The following MAPK10 variants were observed in gnomAD, a reference collection of about 807,000 sequenced individuals.
The protein encoded by MAPK10 is mitogen-activated protein kinase 10, also known as JNK3 alpha protein kinase.
In MAPK10, 25 loss-of-function variants were observed where a neutral mutation model predicts 59.3. The ratio of observed to expected loss-of-function variants is 0.42; its 90% CI spans 0.31 to 0.59. The LOEUF (loss-of-function observed/expected upper bound fraction) is 0.59. MAPK10 is among the 20% of genes least tolerant of loss of function. MAPK10 has a pLI of 0.15. For missense variants in MAPK10, 351 were observed against 568.9 expected (o/e 0.62, Z 3.90); for synonymous variants, 190 against 200.5 (o/e 0.95, Z 0.44).
At chr4:86,126,179 A>C (rs1320888794) in intron 4 of MAPK10, among the ~76,000 whole-genome samples, 1 of 152,034 alleles carries the variant, frequency 6.6e-6, no homozygotes, top group African/African-American at 2.4e-5. Flanking sequence ...TTGCCTCTGG[A>C]AAATATATTT....
intron 9 of MAPK10, among the ~76,000 whole-genome samples, chr4:86,097,112 G>A (rs909387551): frequency 6.6e-6 from 1 of 151,846 alleles, no homozygotes; most frequent in Non-Finnish European, 1.5e-5. Flanking sequence ...AGCTATATAA[G>A]ATTATTAGTA....
intron 1 of MAPK10, among the ~76,000 whole-genome samples, chr4:86,441,634 A>G (rs1749437991): frequency 6.6e-6 from 1 of 152,188 alleles, no homozygotes; most frequent in Non-Finnish European, 1.5e-5. Context: ...AAAGCACTGT[A>G]CTTTTCAAAG....
intron 7 of MAPK10, 89 bp from the exon 8 acceptor site, chr4:86,101,306 T>G: frequency 2.1e-6 from 2 of 938,670 alleles, no homozygotes; most frequent in Non-Finnish European, 3.3e-6. Context: ...CATTTTGCAG[T>G]AGCACTGATG....
chr4:86,429,730 G>A (rs1747779463), intron 1 of MAPK10: 1 of 151,890 alleles, frequency 6.6e-6, no homozygotes, highest in South Asian at 2.1e-4. Flanking sequence ...TCAAGCACAG[G>A]AGTTTCTGGC....
intron 2 of MAPK10, among the ~76,000 whole-genome samples, chr4:86,346,793 A>G (rs1283663125): frequency 6.6e-6 from 1 of 151,620 alleles, no homozygotes; most frequent in African/African-American, 2.4e-5. Flanking sequence ...ACAGCTGTAT[A>G]GCTTAAATTG....
At chr4:86,398,254 A>AAAAGG (rs1477677179) in intron 1 of MAPK10, among the ~76,000 whole-genome samples, 6 of 152,100 alleles carry the variant, frequency 3.9e-5, no homozygotes, top group African/African-American at 1.2e-4. Context: ...AAAAGAAAAG[A>AAAAGG]AAAAAGGCCC....
At position 86,017,211 on chromosome 4, in the gene MAPK10, C is replaced by T. The variant is rs1743664416; in HGVS notation, c.*17G>A. ...TCATCTCCTGAAGAACGCTGGGTTT[C>T]GCAGGCAGGCGGCTAGTCACCTGCA... is the stretch of plus-strand genomic sequence containing the variant. On this transcript the variant is annotated 3_prime_UTR_variant, in exon 14 of 14. Transcript: ENST00000641462. This position sits in a 1 kb window ranked among gnomAD's most constrained non-coding sequence, Gnocchi z 4.4. The T allele has an allele frequency of 1.2e-6, 2 of 1,612,322 alleles. No individual in the cohort carries two copies. The highest frequency in any genetic ancestry group is 1.7e-6 in the Non-Finnish European group (2 of 1,179,348).
At chr4:86,395,655 T>C (rs1742808293) in intron 1 of MAPK10, among the ~76,000 whole-genome samples, 1 of 152,200 alleles carries the variant, frequency 6.6e-6, no homozygotes, top group Non-Finnish European at 1.5e-5. Flanking sequence ...TATTATAGAC[T>C]GGTGGCTTAA....
At chr4:86,219,783 T>C (rs1447039252) in intron 2 of MAPK10, 1 of 152,112 alleles carries the variant, frequency 6.6e-6, no homozygotes, top group Non-Finnish European at 1.5e-5. Context: ...AGGTATAATA[T>C]CAATATTCTT....
rs12642887 is a variant in MAPK10 at position 86,045,662 on chromosome 4, A to C, written c.1111-14231T>G. Among the ~76,000 whole-genome samples, 646 of 152,056 alleles carry C rather than the reference A, an allele frequency of 4.2e-3. 31 individuals carry two copies. In the East Asian group the frequency reaches 0.1, roughly 24 times the overall value. ...TTCACCCTAGGATAGCATGCATGGT[A>C]CATGACAATGCTTGGGAACTCCTTC... On this transcript the variant is annotated intron_variant, in intron 11 of 13. Transcript: ENST00000641462.
At chr4:86,531,977 C>T (rs1041613936) in intron 1 of MAPK10, among the ~76,000 whole-genome samples, 2 of 151,540 alleles carry the variant, frequency 1.3e-5, no homozygotes, top group African/African-American at 4.9e-5. Flanking sequence ...TTGCTTGAGA[C>T]CAGGAGTTCA....
intron 1 of MAPK10, among the ~76,000 whole-genome samples, chr4:86,532,815 A>G (rs545115180): frequency 6.6e-6 from 1 of 152,262 alleles, no homozygotes; most frequent in East Asian, 1.9e-4. Context: ...TCTCCATCCC[A>G]GTCCAGTATC....
chr4:86,101,836 T>C lies in MAPK10; in HGVS notation c.564+58A>G. ...TGCCCCCCGTATAAAGAAAATAATC[T>C]ACAGTTACTCTTCCTCTTAAAGCAT... is the stretch of plus-strand genomic sequence containing the variant. On this transcript the variant is annotated intron_variant, in intron 7 of 13. Coordinates refer to ENST00000641462, the MANE Select transcript of MAPK10 (RefSeq NM_138982.4). The C allele has an allele frequency of 4.4e-6, 7 of 1,574,300 alleles. No individual in the cohort carries two copies. In the South Asian group the frequency reaches 6.7e-5, roughly 15 times the overall value.
chr4:86,449,780 T>A (rs1477445085), intron 1 of MAPK10, among the ~76,000 whole-genome samples: 1 of 152,258 alleles, frequency 6.6e-6, no homozygotes. Context: ...TTACATTATA[T>A]GAGACTTCAT....
intron 1 of MAPK10, among the ~76,000 whole-genome samples, chr4:86,401,621 A>G (rs1335095253): frequency 6.6e-6 from 1 of 152,216 alleles, no homozygotes; most frequent in African/African-American, 2.4e-5. Context: ...AGCTTAATGT[A>G]TGACTCAAAT....
At chr4:86,398,287 A>G (rs1400232939) in intron 1 of MAPK10, among the ~76,000 whole-genome samples, 1 of 152,214 alleles carries the variant, frequency 6.6e-6, no homozygotes, top group African/African-American at 2.4e-5. Context: ...GATAATTATC[A>G]CTAAGTATTT....
At chr4:86,554,477 CA>C (rs1383226850) in intron 1 of MAPK10, among the ~76,000 whole-genome samples, 1 of 152,150 alleles carries the variant, frequency 6.6e-6, no homozygotes, top group African/African-American at 2.4e-5. Flanking sequence ...TTAATGGAAT[CA>C]ACATCCTCAA....
At chr4:86,564,394 T>G (rs185538439) in intron 1 of MAPK10, among the ~76,000 whole-genome samples, 3 of 152,294 alleles carry the variant, frequency 2.0e-5, no homozygotes. Context: ...AAACCATTAG[T>G]AGTACAGAAG....
chr4:86,159,442 G>T lies in MAPK10; in HGVS notation c.92C>A (p.Ser31Ter). The stretch of plus-strand genomic sequence containing the variant: ...CATGTTGTAATGTTTGGCAATATAT[G>T]ACACATCCACTTGTTTATCGAATCC... The part of the protein sequence containing the change: ...CQGFDKQVDV[S>*]YIAKHYNMSK... The change falls in exon 4 of 14, where the codon TCA becomes TAA. Residue 31 changes from serine (S) to a stop codon, truncating the protein, a stop_gained. Coordinates refer to ENST00000641462, the MANE Select transcript of MAPK10 (RefSeq NM_138982.4). LOFTEE classifies it high-confidence loss of function. 6.2e-7 allele frequency: 1 copy of T among 1,610,874 alleles called. No homozygotes were observed. The highest frequency in any genetic ancestry group is 1.1e-5 in the South Asian group (1 of 90,666).
Sources: gnomAD v4.1 joint callset for allele counts (sites outside exome capture counted in the v4.1 genomes callset) on GRCh38, gnomAD v4.1.1 for gene constraint, Gnocchi (gnomAD v3.1) non-coding constraint, MANE v1.5 for transcripts, NCBI Gene and HGNC (gene_info 2026-07-23, HGNC 2026-07-21) for gene names.